The following NCKAP5 variants were observed in gnomAD, a reference collection of about 807,000 sequenced individuals.
NCKAP5 encodes nck-associated protein 5.
Under a neutral mutation model 167.0 loss-of-function variants are expected in NCKAP5, and 92 were observed. That is an observed-to-expected ratio of 0.55 (90% CI 0.47 to 0.66). The LOEUF is 0.66. Ranked by LOEUF, NCKAP5 falls within the 30% of genes least tolerant of loss-of-function variation. The pLI, the probability that NCKAP5 is intolerant of heterozygous loss-of-function variation, is 0.00. For synonymous variants in NCKAP5, 891 were observed against 877.4 expected, an observed-to-expected ratio of 1.02 and a Z score of -0.27; for missense variants, 2,378 against 2,315.0, an observed-to-expected ratio of 1.03 and a Z score of -0.56.
At chr2:132,711,107 T>G (rs1558954820) in intron 19 of NCKAP5, among the ~76,000 whole-genome samples, 2 of 152,226 alleles carry the variant, frequency 1.3e-5, no homozygotes, top group Admixed American at 6.5e-5. Context: ...TCTGTCCTCA[T>G]GTTGTTTAAA....
At chr2:133,138,141 T>C (rs1388770377) in intron 5 of NCKAP5, among the ~76,000 whole-genome samples, 1 of 151,988 alleles carries the variant, frequency 6.6e-6, no homozygotes, top group Non-Finnish European at 1.5e-5. Flanking sequence ...CATAGGCATC[T>C]ATCAAAGGCA....
At chr2:133,519,310 T>C (rs1204000232) in intron 2 of NCKAP5, among the ~76,000 whole-genome samples, 1 of 152,258 alleles carries the variant, frequency 6.6e-6, no homozygotes, top group Non-Finnish European at 1.5e-5. Flanking sequence ...AATCAGAATT[T>C]AGGATAAAAT....
At chr2:133,340,640 GAATGAGGT>G (rs1263657441) in intron 3 of NCKAP5, among the ~76,000 whole-genome samples, 2 of 152,162 alleles carry the variant, frequency 1.3e-5, no homozygotes, top group Non-Finnish European at 2.9e-5. Context: ...GACAAGCCAA[GAATGAGGT>G]AATGAATGCC....
intron 7 of NCKAP5, among the ~76,000 whole-genome samples, chr2:132,964,653 A>C (rs111280819): frequency 1.3e-5 from 2 of 152,282 alleles, no homozygotes; most frequent in African/African-American, 4.8e-5. Context: ...TGCTCCCCAC[A>C]ATCAGGTGAC....
chr2:132,890,332 A>G (rs1481731284), intron 8 of NCKAP5, among the ~76,000 whole-genome samples: 1 of 152,138 alleles, frequency 6.6e-6, no homozygotes, highest in Non-Finnish European at 1.5e-5. Flanking sequence ...GGGGAGGCCA[A>G]AGGGCTGTAC....
Position 133,517,568 on chromosome 2 carries a change from C to G in NCKAP5, c.-42G>C. 7.4e-7 allele frequency: 1 copy of G among 1,345,706 alleles called. No individual in the cohort carries two copies. The highest frequency in any genetic ancestry group is 2.4e-5 in the Admixed American group (1 of 41,334). The allele number at this position is 1,345,706 out of a possible 1,614,324, so 83.4% of individuals were successfully genotyped here. ...TTTCTTTTGTGACTTATAAGAATCC[C>G]CCGTCTGTTTCCAGGGTCACTGAAA... On this transcript the variant is annotated 5_prime_UTR_variant, in exon 3 of 20. Transcript: ENST00000409261.
chr2:133,470,097 G>A (rs2151276002), intron 3 of NCKAP5, among the ~76,000 whole-genome samples: 1 of 152,180 alleles, frequency 6.6e-6, no homozygotes, highest in South Asian at 2.1e-4. Flanking sequence ...CTGCTTTTTA[G>A]AGTTTCCAGT....
At chr2:133,007,119 T>C (rs1315798073) in intron 6 of NCKAP5, among the ~76,000 whole-genome samples, 1 of 152,144 alleles carries the variant, frequency 6.6e-6, no homozygotes, top group Non-Finnish European at 1.5e-5. Flanking sequence ...GGGGCGTAGG[T>C]GGAGCTCAGC....
intron 3 of NCKAP5, among the ~76,000 whole-genome samples, chr2:133,501,968 A>G (rs945088536): frequency 3.9e-5 from 6 of 152,232 alleles, no homozygotes; most frequent in African/African-American, 1.4e-4. Flanking sequence ...GGGAAGTGGT[A>G]GTAACATGAA....
chr2:133,246,688 G>A (rs556705950), intron 4 of NCKAP5, among the ~76,000 whole-genome samples: 14 of 152,286 alleles, frequency 9.2e-5, no homozygotes, highest in South Asian at 8.3e-4. Context: ...TGCATACCGC[G>A]TTGAAAATAA....
intron 16 of NCKAP5, among the ~76,000 whole-genome samples, chr2:132,745,393 G>C (rs72989512): frequency 6.9e-6 from 1 of 144,964 alleles, no homozygotes; most frequent in Non-Finnish European, 1.5e-5. Context: ...TTTCATGACA[G>C]ACAAAAAAAA....
At chr2:133,011,490 C>G (rs1355887312) in intron 6 of NCKAP5, among the ~76,000 whole-genome samples, 2 of 152,168 alleles carry the variant, frequency 1.3e-5, no homozygotes, top group Non-Finnish European at 2.9e-5. Flanking sequence ...AGAACACGGT[C>G]CCCTAGGACT....
At chr2:133,243,060 T>C (rs529145260) in intron 4 of NCKAP5, among the ~76,000 whole-genome samples, 1 of 152,258 alleles carries the variant, frequency 6.6e-6, no homozygotes, top group South Asian at 2.1e-4. Context: ...AAATCAAAAG[T>C]AATCACTTTT....
intron 4 of NCKAP5, among the ~76,000 whole-genome samples, chr2:133,270,174 A>G (rs1180343211): frequency 6.6e-6 from 1 of 152,210 alleles, no homozygotes; most frequent in Non-Finnish European, 1.5e-5. Flanking sequence ...ATTGTTATTA[A>G]TGTTTGCCAA....
chr2:133,157,830 A>C (rs2083629655), intron 5 of NCKAP5, among the ~76,000 whole-genome samples: 1 of 152,188 alleles, frequency 6.6e-6, no homozygotes, highest in Non-Finnish European at 1.5e-5. Flanking sequence ...GCTCAAATTA[A>C]TGTTTTCATT....
At chr2:132,887,047 T>C (rs530896378) in intron 8 of NCKAP5, among the ~76,000 whole-genome samples, 2 of 152,302 alleles carry the variant, frequency 1.3e-5, no homozygotes, top group South Asian at 4.1e-4. Flanking sequence ...CTGGTGAAGG[T>C]GGTATCTGTG....
chr2:133,616,367 G>A, the NCKAP5 span, among the ~76,000 whole-genome samples: 4 of 152,062 alleles, frequency 2.6e-5, no homozygotes, highest in Non-Finnish European at 5.9e-5. Flanking sequence ...CCAGGAGCTG[G>A]TTTTTTGAAA....
intron 8 of NCKAP5, among the ~76,000 whole-genome samples, chr2:132,924,228 A>AC (rs1558947688): frequency 6.6e-6 from 1 of 151,552 alleles, no homozygotes; most frequent in East Asian, 1.9e-4. Flanking sequence ...GAAAAAGATG[A>AC]TTTTTTTTTC....
intron 2 of NCKAP5, among the ~76,000 whole-genome samples, chr2:133,521,702 G>C (rs1684491240): frequency 6.6e-6 from 1 of 152,174 alleles, no homozygotes; most frequent in South Asian, 2.1e-4. Context: ...TAGCACGTTA[G>C]AGCCCCACAC....
Sources: allele counts gnomAD v4.1 joint callset (sites outside exome capture counted in the v4.1 genomes callset), GRCh38; gene constraint gnomAD v4.1.1; transcripts MANE v1.5; gene names NCBI Gene and HGNC (gene_info 2026-07-23, HGNC 2026-07-21).